PAX6: variants seen among roughly 807,000 people sequenced by gnomAD.
PAX6 encodes paired box protein Pax-6.
Under a neutral mutation model 60.7 loss-of-function variants are expected in PAX6, and 7 were observed. The observed-to-expected ratio is 0.12, with a 90% CI of 0.07 to 0.22. The LOEUF (loss-of-function observed/expected upper bound fraction) is 0.22. PAX6 is among the 10% of genes least tolerant of loss of function. The pLI is 1.00. For synonymous variants in PAX6, 208 were observed against 201.2 expected, an observed-to-expected ratio of 1.03 and a Z score of -0.29; for missense variants, 355 against 555.2, an observed-to-expected ratio of 0.64 and a Z score of 3.62.
chr11:31,799,099 G>A (rs144738564), intron 8 of PAX6, among the ~76,000 whole-genome samples: 1 of 152,352 alleles, frequency 6.6e-6, no homozygotes, highest in Non-Finnish European at 1.5e-5. Flanking sequence ...AGGGGTGGAC[G>A]CTCGTGAGTG....
chr11:31,797,745 CAAAAT>C (rs1952078879), intron 8 of PAX6, among the ~76,000 whole-genome samples: 1 of 152,124 alleles, frequency 6.6e-6, no homozygotes, highest in South Asian at 2.1e-4. Flanking sequence ...AAGCTTTTAA[CAAAAT>C]AAAACTAGAA....
chr11:31,809,038 C>T lies in PAX6; in HGVS notation c.-129+1790G>A, dbSNP rs545238359. Among the ~76,000 whole-genome samples, 19 of 152,316 alleles carry T rather than the reference C, an allele frequency of 1.2e-4. 1 individual carries two copies. The South Asian group carries it at 3.9e-3, about 32-fold the overall frequency. ...CCCACCTCTCTGTCCCCAACACAAG[C>T]CTCAGTTTTCAAATGCTGTTCTTTT... is the stretch of plus-strand genomic sequence containing the variant. On this transcript the variant is annotated intron_variant, in intron 2 of 13. Coordinates refer to ENST00000640368, the MANE Select transcript of PAX6 (RefSeq NM_001368894.2).
At chr11:31,790,080 AC>A in intron 13 of PAX6, 61 bp from the exon 14 acceptor site, 1 of 861,948 alleles carries the variant, frequency 1.2e-6, no homozygotes, top group East Asian at 2.5e-5. Context: ...GACATGGAAT[AC>A]AAATTTATAG....
At position 31,793,772 on chromosome 11, in the gene PAX6, T is replaced by C; in HGVS notation, c.838A>G (p.Arg280Gly). ...TGATTCCTCAGTTTTTCTTCTCTTC[T>C]CCATTTGGCCCTTCGATTAGAAAAC... ...VWFSNRRAKW[R>G]REEKLRNQRR... is the part of the protein sequence containing the mutation. The change falls in exon 11 of 14, where the codon AGA becomes GGA. Residue 280 changes from arginine to glycine, a missense_variant. By Grantham distance (125) the Arg-to-Gly change is moderately radical. This residue lies in a region of PAX6 where 17 missense variants were observed against 57.5 expected (regional missense o/e 0.30). Coordinates refer to ENST00000640368, the MANE Select transcript of PAX6 (RefSeq NM_001368894.2). The C allele has an allele frequency of 6.2e-7, 1 of 1,614,166 alleles. No individual in the cohort carries two copies. The highest frequency in any genetic ancestry group is 8.5e-7 in the Non-Finnish European group (1 of 1,180,034).
At chr11:31,794,416 C>T (rs1950818831) in intron 9 of PAX6, 1 of 511,530 alleles carries the variant, frequency 2.0e-6, no homozygotes, top group African/African-American at 2.9e-5. Context: ...CACACACACA[C>T]ACACCACACA....
At chr11:31,816,303 T>C, upstream of PAX6, 2 of 468,882 alleles carry the variant, frequency 4.3e-6, no homozygotes, top group Non-Finnish European at 7.5e-6. Flanking sequence ...ATCCAAATTC[T>C]ATGAGAGGGT....
intron 5 of PAX6, chr11:31,802,293 T>A (rs987901697): frequency 5.1e-5 from 16 of 311,538 alleles, no homozygotes; most frequent in Non-Finnish European, 9.4e-5. Context: ...TTCATAAACA[T>A]GAAGAATAAA....
chr11:31,796,307 C>T (rs1951493368), intron 8 of PAX6, among the ~76,000 whole-genome samples: 1 of 152,116 alleles, frequency 6.6e-6, no homozygotes, highest in South Asian at 2.1e-4. Flanking sequence ...ACAATGAGCG[C>T]GGACAACAAA....
At chr11:31,794,317 C>G in intron 9 of PAX6, 1 of 643,150 alleles carries the variant, frequency 1.6e-6, no homozygotes, top group Non-Finnish European at 2.8e-6. Flanking sequence ...ATTCAGTGAC[C>G]TTTCTGTGGC....
Position 31,790,834 on chromosome 11 carries a change from TGAG to T in PAX6, c.1098_1100del (p.Ser367del). 1 of 1,614,060 alleles carries T rather than the reference TGAG, an allele frequency of 6.2e-7. No individual in the cohort carries two copies. Among genetic ancestry groups the T allele is most frequent in the Non-Finnish European group, 8.5e-7 (1 of 1,180,004 alleles). On this transcript the variant is annotated inframe_deletion, in exon 13 of 14. Coordinates refer to ENST00000640368, the MANE Select transcript of PAX6 (RefSeq NM_001368894.2). ...GGCTGGTGGGCAGCATGCAGGAGTA[TGAG>T]GAGGTCTGGCTGGGGACTGGGGGCT...
chr11:31,804,873 C>CG (rs1231642162), intron 4 of PAX6: 1 of 152,356 alleles, frequency 6.6e-6, no homozygotes, highest in East Asian at 1.9e-4. Flanking sequence ...CAGATACCGC[C>CG]GGCTGGTGCT....
intron 8 of PAX6, among the ~76,000 whole-genome samples, chr11:31,795,934 G>A (rs1302199452): frequency 6.6e-6 from 1 of 152,246 alleles, no homozygotes; most frequent in African/African-American, 2.4e-5. Flanking sequence ...CTTGGCCAGA[G>A]GCGGGGTGGA....
chr11:31,812,051 C>G (rs1289985764), upstream of PAX6: 1 of 152,646 alleles, frequency 6.6e-6, no homozygotes, highest in Non-Finnish European at 1.5e-5. Flanking sequence ...GGAGCAGAGG[C>G]ACAGCTCTGG....
chr11:31,809,012 C>T (rs1956476697), intron 2 of PAX6, among the ~76,000 whole-genome samples: 1 of 152,160 alleles, frequency 6.6e-6, no homozygotes, highest in Admixed American at 6.5e-5. Context: ...TGGTCACTGC[C>T]CCCACCTCTC....
At chr11:31,791,033 T>C (rs1482443161) in intron 12 of PAX6, 173 bp from the exon 13 acceptor site, 1 of 780,896 alleles carries the variant, frequency 1.3e-6, no homozygotes, top group African/African-American at 1.7e-5. Context: ...AGCTAGTCCT[T>C]CCACTGGCCA....
At chr11:31,816,228 T>C, upstream of PAX6, 1 of 204,074 alleles carries the variant, frequency 4.9e-6, no homozygotes, top group South Asian at 1.4e-4. Flanking sequence ...TCGGTTTTCC[T>C]TTCCAATTCT....
intron 8 of PAX6, among the ~76,000 whole-genome samples, chr11:31,796,108 C>T (rs1257383941): frequency 6.6e-6 from 1 of 152,244 alleles, no homozygotes; most frequent in Non-Finnish European, 1.5e-5. Context: ...CTTTCTCCCC[C>T]ATTTAAACAG....
chr11:31,812,263 G>C (rs1227686909), upstream of PAX6: 1 of 152,684 alleles, frequency 6.5e-6, no homozygotes, highest in Non-Finnish European at 1.5e-5. Context: ...TGGGTGGGGG[G>C]GCGGATGACC....
chr11:31,806,028 C>T, intron 4 of PAX6: 1 of 277,572 alleles, frequency 3.6e-6, no homozygotes, highest in Non-Finnish European at 6.6e-6. Flanking sequence ...CCTTCTCGCT[C>T]AACTAGGAGA....
Sources: allele counts gnomAD v4.1 joint callset (sites outside exome capture counted in the v4.1 genomes callset), GRCh38; gene constraint gnomAD v4.1.1; regional missense constraint gnomAD v4.1.1; transcripts MANE v1.5; gene names NCBI Gene and HGNC (gene_info 2026-07-23, HGNC 2026-07-21).